ZNF804A: variants seen among roughly 807,000 people sequenced by gnomAD.
ZNF804A encodes the protein zinc finger protein 804A.
A neutral mutation model predicts 16.5 loss-of-function variants in ZNF804A; 2 were observed. That is an observed-to-expected ratio of 0.12 (90% CI 0.05 to 0.38). ZNF804A has a LOEUF of 0.38. Among genes scored for constraint, ZNF804A ranks in the 10% least tolerant of loss-of-function variants. The pLI is 0.99. For synonymous variants in ZNF804A, 534 were observed against 489.6 expected (o/e 1.09, Z -1.20); for missense variants, 1,473 against 1,390.7 (o/e 1.06, Z -0.94).
chr2:184,707,475 A>G (rs1029402428), intron 1 of ZNF804A, among the ~76,000 whole-genome samples: 1 of 151,984 alleles, frequency 6.6e-6, no homozygotes, highest in Non-Finnish European at 1.5e-5. Context: ...AGTGTGTATT[A>G]TTGCCATCTT....
chr2:184,832,728 T>G, intron 1 of ZNF804A, among the ~76,000 whole-genome samples: 1 of 152,006 alleles, frequency 6.6e-6, no homozygotes, highest in East Asian at 1.9e-4. Flanking sequence ...CTCTTACATA[T>G]ACATAAATGT....
chr2:184,882,467 A>G (rs1684823119), intron 2 of ZNF804A, among the ~76,000 whole-genome samples: 1 of 152,050 alleles, frequency 6.6e-6, no homozygotes, highest in South Asian at 2.1e-4. Flanking sequence ...CCCAACAGAT[A>G]TCTATAGAGC....
Position 184,701,494 on chromosome 2 carries a change from G to A in ZNF804A, c.111+102424G>A, listed in dbSNP as rs150971762. The stretch of plus-strand genomic sequence containing the variant: ...GTTGCCTGAAATCATGAGTAAGAAG[G>A]CAAATTAATATCTAGTTTGATTCAA... On this transcript the variant is annotated intron_variant, in intron 1 of 3. Coordinates refer to ENST00000302277, the MANE Select transcript of ZNF804A (RefSeq NM_194250.2). 2.2e-3 allele frequency among the ~76,000 whole-genome samples: 327 copies of A among 151,824 alleles called. 1 individual carries two copies. Among genetic ancestry groups the A allele is most frequent in the Middle Eastern group, 6.8e-3 (2 of 294 alleles).
chr2:184,760,355 G>A (rs1301351514), intron 1 of ZNF804A, among the ~76,000 whole-genome samples: 1 of 152,050 alleles, frequency 6.6e-6, no homozygotes, highest in Non-Finnish European at 1.5e-5. Flanking sequence ...ATATGCATAT[G>A]ACATATATAA....
At chr2:184,732,668 T>C (rs1205713531) in intron 1 of ZNF804A, among the ~76,000 whole-genome samples, 1 of 152,162 alleles carries the variant, frequency 6.6e-6, no homozygotes, top group Non-Finnish European at 1.5e-5. Context: ...GAACATGGAA[T>C]ATATTTCTAT....
chr2:184,897,128 G>A (rs1049211552), intron 2 of ZNF804A, among the ~76,000 whole-genome samples: 3 of 152,030 alleles, frequency 2.0e-5, no homozygotes, highest in Non-Finnish European at 4.4e-5. Context: ...TTTGTACAAT[G>A]TCCCTCAACT....
At chr2:184,741,873 A>G (rs1383186718) in intron 1 of ZNF804A, among the ~76,000 whole-genome samples, 2 of 152,102 alleles carry the variant, frequency 1.3e-5, no homozygotes, top group African/African-American at 4.8e-5. Context: ...TTTCTGTTTC[A>G]GTGTACAAGT....
chr2:184,904,659 A>C (rs995839032), intron 2 of ZNF804A, among the ~76,000 whole-genome samples: 1 of 152,058 alleles, frequency 6.6e-6, no homozygotes, highest in African/African-American at 2.4e-5. Context: ...TTAAGTCCTT[A>C]GTTTATTTCT....
At chr2:184,699,154 T>C (rs1692882076) in intron 1 of ZNF804A, among the ~76,000 whole-genome samples, 1 of 152,080 alleles carries the variant, frequency 6.6e-6, no homozygotes, top group Admixed American at 6.6e-5. Context: ...TAACAATATA[T>C]GGCTATGTTT....
At chr2:184,750,531 C>T (rs1012132339) in intron 1 of ZNF804A, among the ~76,000 whole-genome samples, 4 of 151,166 alleles carry the variant, frequency 2.6e-5, no homozygotes, top group Admixed American at 6.6e-5. Flanking sequence ...GTTTGGGATA[C>T]AAAAATTGCA....
At chr2:184,674,905 T>C (rs1367445512) in intron 1 of ZNF804A, among the ~76,000 whole-genome samples, 2 of 151,874 alleles carry the variant, frequency 1.3e-5, no homozygotes, top group East Asian at 3.8e-4. Context: ...GTCTTATAAA[T>C]GTCTTCCTAA....
intron 1 of ZNF804A, among the ~76,000 whole-genome samples, chr2:184,691,987 T>C (rs980481547): frequency 3.9e-5 from 6 of 152,108 alleles, no homozygotes; most frequent in African/African-American, 1.4e-4. Flanking sequence ...TAAAGGTCTG[T>C]ATTAGATGTT....
intron 1 of ZNF804A, among the ~76,000 whole-genome samples, chr2:184,698,669 A>G (rs1692873759): frequency 6.6e-6 from 1 of 152,008 alleles, no homozygotes; most frequent in Admixed American, 6.6e-5. Context: ...AGACTTTGAG[A>G]TTTGTTGACT....
intron 1 of ZNF804A, among the ~76,000 whole-genome samples, chr2:184,812,669 G>A (rs1694920558): frequency 6.6e-6 from 1 of 152,020 alleles, no homozygotes; most frequent in Non-Finnish European, 1.5e-5. Context: ...GCTGGGAGGT[G>A]GGTAGCTGTT....
chr2:184,908,376 G>A lies in ZNF804A; in HGVS notation c.256-25227G>A, dbSNP rs186796720. ...TCCTTCTCTTGACTCAGACTCACTC[G>A]TTGATTATAAGGACCCTTTGATTGA... On this transcript the variant is annotated intron_variant, in intron 2 of 3. Transcript: ENST00000302277. Among the ~76,000 whole-genome samples, 89 of 152,072 alleles carry A rather than the reference G, an allele frequency of 5.9e-4. 2 individuals carry two copies. Among genetic ancestry groups the A allele is most frequent in the African/African-American group, 1.7e-3 (72 of 41,502 alleles).
chr2:184,622,615 C>T (rs1312361687), intron 1 of ZNF804A, among the ~76,000 whole-genome samples: 4 of 151,678 alleles, frequency 2.6e-5, no homozygotes, highest in Non-Finnish European at 4.4e-5. Context: ...AGCTTTTTGT[C>T]GATTTCAATA....
chr2:184,911,178 T>C (rs1445479387), intron 2 of ZNF804A, among the ~76,000 whole-genome samples: 7 of 152,110 alleles, frequency 4.6e-5, no homozygotes, highest in Non-Finnish European at 7.4e-5. Flanking sequence ...AGATTCATTC[T>C]TCTGCATATA....
intron 2 of ZNF804A, among the ~76,000 whole-genome samples, chr2:184,890,996 T>C (rs1684976035): frequency 6.6e-6 from 1 of 152,136 alleles, no homozygotes; most frequent in Admixed American, 6.5e-5. Flanking sequence ...TTTTACACCA[T>C]GGATACCACC....
Position 184,938,072 on chromosome 2 carries a change from T to C in ZNF804A, c.2676T>C (p.Asn892=), listed in dbSNP as rs2105845018. Residue 892 remains asparagine (N), a synonymous_variant, in exon 4 of 4, where the codon AAT becomes AAC. Coordinates refer to ENST00000302277, the MANE Select transcript of ZNF804A (RefSeq NM_194250.2). ...HPNNLLPSET[N]GETEHLEMET... is the part of the protein sequence containing the mutation. ...ACAATCTCCTTCCTTCTGAAACCAA[T>C]GGTGAAACTGAGCATTTAGAAATGG... The C allele has an allele frequency of 7.4e-6, 12 of 1,614,086 alleles. 1 individual carries two copies. In the Middle Eastern group the frequency reaches 4.9e-4, roughly 67 times the overall value.
Sources: gnomAD v4.1 joint callset for allele counts (sites outside exome capture counted in the v4.1 genomes callset) on GRCh38, gnomAD v4.1.1 for gene constraint, MANE v1.5 for transcripts, NCBI Gene and HGNC (gene_info 2026-07-23, HGNC 2026-07-21) for gene names.